UBN2: variants seen among roughly 807,000 people sequenced by gnomAD.
UBN2 encodes the protein ubinuclein-2.
UBN2 carries 35 observed loss-of-function variants against 120.2 expected under a neutral mutation model. The observed-to-expected ratio is 0.29, with a 90% CI of 0.22 to 0.39. UBN2 has a LOEUF of 0.39. UBN2 is among the 10% of genes least tolerant of loss of function. The pLI is 1.00. For synonymous variants in UBN2, 661 were observed against 648.7 expected, an observed-to-expected ratio of 1.02 and a Z score of -0.29; for missense variants, 1,693 against 1,663.2, an observed-to-expected ratio of 1.02 and a Z score of -0.31.
rs1016566462 is a variant in UBN2 at position 139,300,233 on chromosome 7, A to C, written c.*2397A>C. 1 of 152,330 alleles carries C rather than the reference A, an allele frequency of 6.6e-6. No homozygotes were observed. The highest frequency in any genetic ancestry group is 2.4e-5 in the African/African-American group (1 of 41,564). 9.4% of individuals were successfully genotyped at this position (152,330 alleles called of 1,614,324 possible). A position where few individuals can be genotyped will look rare whatever the true frequency, so the allele number is the denominator to read the frequency against. Reference sequence around the variant, plus strand: ...TGTTCTCTTTAGTCTTGATTCCTTGAGGACTACTGTCAGATCCCTACCTTA... The same window carrying C: ...TGTTCTCTTTAGTCTTGATTCCTTGCGGACTACTGTCAGATCCCTACCTTA... On this transcript the variant is annotated 3_prime_UTR_variant, in exon 18 of 18. Transcript: ENST00000473989.
At position 139,231,751 on chromosome 7, in the gene UBN2, G is replaced by A. The variant is rs1563198725; in HGVS notation, c.267G>A (p.Glu89=). ...RAEPPMSLQR[E]PPRPEPPPPF... ...AGCCGCCCATGTCGCTGCAGCGGGA[G>A]CCCCCGCGGCCCGAGCCGCCGCCGC... Residue 89 remains glutamate, a synonymous_variant, in exon 1 of 18, where the codon GAG becomes GAA. Coordinates refer to ENST00000473989, the MANE Select transcript of UBN2 (RefSeq NM_173569.4). 31 of 1,218,428 alleles carry A rather than the reference G, an allele frequency of 2.5e-5. No individual in the cohort carries two copies. The South Asian group carries it at 1.0e-3, about 41-fold the overall frequency. 75.5% of individuals were successfully genotyped at this position (1,218,428 alleles called of 1,614,324 possible).
At chr7:139,286,494 C>A (rs966035834) in intron 15 of UBN2, among the ~76,000 whole-genome samples, 3 of 151,626 alleles carry the variant, frequency 2.0e-5, no homozygotes, top group Admixed American at 2.0e-4. Context: ...ACTTTTTTCC[C>A]CTGAAAGTAA....
chr7:139,283,898 C>G lies in UBN2; in HGVS notation c.2993C>G (p.Pro998Arg). The G allele has an allele frequency of 6.2e-7, 1 of 1,614,164 alleles. No homozygotes were observed. Among genetic ancestry groups the G allele is most frequent in the Non-Finnish European group, 8.5e-7 (1 of 1,180,032 alleles). Residue 998 changes from proline to arginine, a missense_variant, in exon 15 of 18, where the codon CCC becomes CGC. Coordinates refer to ENST00000473989, the MANE Select transcript of UBN2 (RefSeq NM_173569.4). ...GGAAATGGTTCTCAAGGGTCCCACC[C>G]CCTGGTTTCTAGGACAGTACCTAGC... is the stretch of plus-strand genomic sequence containing the variant. ...SPGNGSQGSHPLVSRTVPSTT... is the reference protein window; with the variant it reads ...SPGNGSQGSHRLVSRTVPSTT...
chr7:139,278,656 A>C (rs181148570), intron 12 of UBN2, among the ~76,000 whole-genome samples: 13 of 152,186 alleles, frequency 8.5e-5, no homozygotes, highest in African/African-American at 3.1e-4. Flanking sequence ...TGCCTAAATG[A>C]AGTTGTAAAT....
At chr7:139,277,285 G>C (rs1797472338) in intron 12 of UBN2, 1 of 152,042 alleles carries the variant, frequency 6.6e-6, no homozygotes, top group African/African-American at 2.4e-5. Context: ...CGGGAGTTAG[G>C]GATTTCACCC....
chr7:139,272,207 T>A, intron 8 of UBN2, 115 bp from the exon 9 acceptor site: 1 of 685,836 alleles, frequency 1.5e-6, no homozygotes, highest in South Asian at 1.9e-5. Flanking sequence ...TTAGATATGC[T>A]AATATTTCAA....
chr7:139,232,253 CT>C (rs774603285), intron 1 of UBN2, among the ~76,000 whole-genome samples: 1 of 152,376 alleles, frequency 6.6e-6, no homozygotes, highest in East Asian at 1.9e-4. Flanking sequence ...TCCTTCTTTC[CT>C]TTCTGCTCCC....
At chr7:139,293,565 G>T in intron 16 of UBN2, 102 bp downstream of exon 16, 23 of 849,414 alleles carry the variant, frequency 2.7e-5, no homozygotes, top group Non-Finnish European at 3.5e-5. Flanking sequence ...AGTTAATGAA[G>T]ATTATAGTTT....
chr7:139,249,020 G>GTGTGTGTT (rs1218089057), intron 2 of UBN2, among the ~76,000 whole-genome samples: 1 of 152,034 alleles, frequency 6.6e-6, no homozygotes, highest in Admixed American at 6.6e-5. Flanking sequence ...CTGTGTGTGT[G>GTGTGTGTT]TGTGTGTGTG....
At chr7:139,311,011 C>T (rs1236394454), downstream of UBN2, among the ~76,000 whole-genome samples, 1 of 152,142 alleles carries the variant, frequency 6.6e-6, no homozygotes, top group Non-Finnish European at 1.5e-5. Context: ...CAAAAGTTTG[C>T]TTTGCCATGG....
At position 139,237,050 on chromosome 7, in the gene UBN2, G is replaced by A; in HGVS notation, c.514G>A (p.Glu172Lys). The change falls in exon 2 of 18, where the codon GAG becomes AAG. Residue 172 changes from glutamate to lysine, a missense_variant. Around this residue, in one of 5 missense-constraint regions of UBN2, gnomAD observed 663 missense variants for 591.2 expected, o/e 1.12. Transcript: ENST00000473989. ...AGACCCATTTAATGATGAACATCAG[G>A]AGAGGCAAGAGGTGGAAATGTTGGC... ...TEDPFNDEHQ[E>K]RQEVEMLAKK... 6.2e-7 allele frequency: 1 copy of A among 1,611,358 alleles called. No homozygotes were observed. The highest frequency in any genetic ancestry group is 8.5e-7 in the Non-Finnish European group (1 of 1,178,232).
chr7:139,311,596 G>T (rs1798447632), downstream of UBN2, among the ~76,000 whole-genome samples: 1 of 152,164 alleles, frequency 6.6e-6, no homozygotes, highest in African/African-American at 2.4e-5. Context: ...ACAGTGCCTA[G>T]CACATAATAA....
chr7:139,282,182 TAA>T (rs1797633905), intron 14 of UBN2, 127 bp downstream of exon 14: 1 of 650,876 alleles, frequency 1.5e-6, no homozygotes, highest in African/African-American at 1.9e-5. Flanking sequence ...TTCTCAGTCT[TAA>T]AAATAAAATG....
rs181533824 is a variant in UBN2 at position 139,251,966 on chromosome 7, C to G, written c.572C>G (p.Pro191Arg). 2.5e-6 allele frequency: 4 copies of G among 1,613,940 alleles called. No individual in the cohort carries two copies. The Admixed American group carries it at 5.0e-5, about 20-fold the overall frequency. Reference sequence around the variant, plus strand: ...ATCTGTTCTTTGCAGGGTGGGAAACCCCGTAAACACCGGAAGGATCGGCTA... The same window carrying G: ...ATCTGTTCTTTGCAGGGTGGGAAACGCCGTAAACACCGGAAGGATCGGCTA... ...KKFEMKYGGK[P>R]RKHRKDRLQD... The change falls in exon 3 of 18, where the codon CCC becomes CGC. Residue 191 changes from proline (P) to arginine (R), a missense_variant. Physicochemically the swap from Pro to Arg is moderately radical, Grantham distance 103. Around this residue, in one of 5 missense-constraint regions of UBN2, gnomAD observed 663 missense variants for 591.2 expected, o/e 1.12. Transcript: ENST00000473989.
chr7:139,247,631 T>C (rs1255792119), intron 2 of UBN2, among the ~76,000 whole-genome samples: 1 of 152,242 alleles, frequency 6.6e-6, no homozygotes, highest in African/African-American at 2.4e-5. Flanking sequence ...TAGTATAGGA[T>C]CTGATGCAAA....
rs537000592 is a variant in UBN2, at chr7:139,280,500, T to TTTG, written c.2067+1155_2067+1157dup. Among the ~76,000 whole-genome samples the TTTG allele has an allele frequency of 7.9e-5, 12 of 152,240 alleles. No individual in the cohort carries two copies. In the East Asian group the frequency reaches 1.9e-3, roughly 24 times the overall value. On this transcript the variant is annotated intron_variant, in intron 13 of 17. Transcript: ENST00000473989. ...CTCCATAGCCTTTGTCTCTTTGGTTTTTGTTGTTGTTGTTGTTTTTAATAG... is the reference window on the plus strand; with the variant it reads ...CTCCATAGCCTTTGTCTCTTTGGTTTTTGTTGTTGTTGTTGTTGTTTTTAATAG...
intron 13 of UBN2, 54 bp downstream of exon 13, chr7:139,279,414 C>A: frequency 7.2e-7 from 1 of 1,386,602 alleles, no homozygotes; most frequent in Non-Finnish European, 1.0e-6. Context: ...TGTTGAAATA[C>A]ATTCCTAAGA....
chr7:139,325,691 C>T, the UBN2 span, among the ~76,000 whole-genome samples: 18 of 152,182 alleles, frequency 1.2e-4, no homozygotes, highest in African/African-American at 3.4e-4. Context: ...CCAAAATCTC[C>T]CCCCAGTTAT....
intron 15 of UBN2, among the ~76,000 whole-genome samples, chr7:139,285,782 G>A (rs961595546): frequency 2.6e-5 from 4 of 151,616 alleles, no homozygotes; most frequent in East Asian, 1.9e-4. Flanking sequence ...TCGCTCTGTC[G>A]TCCACGCTGG....
Sources: allele counts gnomAD v4.1 joint callset (sites outside exome capture counted in the v4.1 genomes callset), GRCh38; gene constraint gnomAD v4.1.1; regional missense constraint gnomAD v4.1.1; transcripts MANE v1.5; gene names NCBI Gene and HGNC (gene_info 2026-07-23, HGNC 2026-07-21).